The following ST7 variants were observed in gnomAD, a reference collection of about 807,000 sequenced individuals.
The protein encoded by ST7 is suppressor of tumorigenicity 7 protein.
Under a neutral mutation model 78.7 loss-of-function variants are expected in ST7, and 28 were observed. The observed-to-expected ratio is 0.36, with a 90% CI of 0.26 to 0.49. ST7 has a LOEUF of 0.49. ST7 is among the 20% of genes least tolerant of loss of function. ST7 has a pLI of 0.99. For synonymous variants in ST7, 247 were observed against 249.6 expected, an observed-to-expected ratio of 0.99 and a Z score of 0.10; for missense variants, 418 against 696.0, an observed-to-expected ratio of 0.60 and a Z score of 4.49.
intron 1 of ST7, among the ~76,000 whole-genome samples, chr7:116,961,926 C>T (rs1176256286): frequency 1.3e-5 from 2 of 151,674 alleles, no homozygotes; most frequent in Non-Finnish European, 2.9e-5. Flanking sequence ...TAATGTTCTC[C>T]CTCCCCTCAC....
intron 2 of ST7, among the ~76,000 whole-genome samples, chr7:117,105,541 C>T (rs1801889024): frequency 6.6e-6 from 1 of 152,154 alleles, no homozygotes; most frequent in South Asian, 2.1e-4. Context: ...TTTGGCCTCC[C>T]AAAGTGCTGG....
rs1193074942 is a variant in ST7 at position 116,965,319 on chromosome 7, G to A, written c.151+11628G>A. Among the ~76,000 whole-genome samples, 3 of 139,618 alleles carry A rather than the reference G, an allele frequency of 2.1e-5. No individual in the cohort carries two copies. The South Asian group carries it at 6.7e-4, about 31-fold the overall frequency. 91.6% of individuals were successfully genotyped at this position (139,618 alleles called of 152,430 possible). ...TGCACCACTGCACTCCAGCCTGGGC[G>A]ACTGAGTGAGACTCCGTCTCAAAAA... On this transcript the variant is annotated intron_variant, in intron 1 of 15. Transcript: ENST00000323984.
At chr7:117,159,425 T>C (rs1678117492) in intron 9 of ST7, among the ~76,000 whole-genome samples, 1 of 152,212 alleles carries the variant, frequency 6.6e-6, no homozygotes, top group South Asian at 2.1e-4. Flanking sequence ...AGCTGTAATA[T>C]TTGGGCAAAA....
At chr7:117,188,590 C>G (rs1405032601) in intron 10 of ST7, among the ~76,000 whole-genome samples, 1 of 152,140 alleles carries the variant, frequency 6.6e-6, no homozygotes, top group African/African-American at 2.4e-5. Flanking sequence ...CCACACCCAC[C>G]CTGGCCCTTC....
chr7:117,073,238 A>G (rs563511253), intron 1 of ST7: 1 of 152,350 alleles, frequency 6.6e-6, no homozygotes, highest in Admixed American at 6.5e-5. Context: ...CCTCTACACA[A>G]TCTAGTACTG....
intron 1 of ST7, among the ~76,000 whole-genome samples, chr7:116,984,560 G>A (rs1272468126): frequency 6.6e-6 from 1 of 152,250 alleles, no homozygotes. Context: ...GGCAGGGGGT[G>A]GGGTAGATGA....
At chr7:117,125,463 G>A (rs1803758306) in intron 3 of ST7, among the ~76,000 whole-genome samples, 1 of 152,066 alleles carries the variant, frequency 6.6e-6, no homozygotes, top group African/African-American at 2.4e-5. Context: ...TTGTTGAATT[G>A]AAAGCTACCT....
intron 12 of ST7, chr7:117,198,475 G>C (rs184154748): frequency 3.0e-6 from 1 of 329,412 alleles, no homozygotes; most frequent in African/African-American, 2.2e-5. Flanking sequence ...CAGATTTGAG[G>C]GGAGGCTCTA....
intron 9 of ST7, among the ~76,000 whole-genome samples, chr7:117,145,174 C>T (rs951396499): frequency 9.2e-5 from 14 of 151,492 alleles, no homozygotes; most frequent in Admixed American, 3.3e-4. Context: ...TACTGCATTC[C>T]AGCCTGGGCA....
At chr7:116,972,435 C>G in intron 1 of ST7, 1 of 735,976 alleles carries the variant, frequency 1.4e-6, no homozygotes. Flanking sequence ...GTCTGATCTG[C>G]TCATCCATCT....
intron 1 of ST7, chr7:116,955,134 G>C (rs1364178044): frequency 4.2e-6 from 2 of 470,764 alleles, no homozygotes; most frequent in East Asian, 1.4e-4. Flanking sequence ...TCGCAATATT[G>C]TCTTCTTCGC....
chr7:117,120,685 A>ACTAT (rs1395665549), intron 3 of ST7, among the ~76,000 whole-genome samples: 1 of 152,180 alleles, frequency 6.6e-6, no homozygotes, highest in Non-Finnish European at 1.5e-5. Flanking sequence ...TAGTCTGTAC[A>ACTAT]CTATCTCTCT....
In ST7 at chr7:117,191,654, G is replaced by A. The variant is rs867538127; in HGVS notation, c.1254+718G>A. ...TTTTAGTATCTACATGCTGTATTAC[G>A]TAATTATCATCTTCTCTGAGGGAGG... On this transcript the variant is annotated intron_variant, in intron 12 of 15. Coordinates refer to ENST00000323984, the MANE Select transcript of ST7 (RefSeq NM_001369598.1). 7.9e-5 allele frequency: 12 copies of A among 151,974 alleles called. No homozygotes were observed. The East Asian group carries it at 9.6e-4, about 12-fold the overall frequency. 9.4% of individuals were successfully genotyped at this position (151,974 alleles called of 1,614,324 possible).
chr7:117,146,929 T>G (rs975822836), intron 9 of ST7, among the ~76,000 whole-genome samples: 8 of 152,190 alleles, frequency 5.3e-5, no homozygotes, highest in African/African-American at 1.9e-4. Flanking sequence ...TGTTGGGACA[T>G]TTTGGGGGAT....
chr7:117,088,597 G>A (rs943647166), intron 1 of ST7, among the ~76,000 whole-genome samples: 10 of 152,096 alleles, frequency 6.6e-5, no homozygotes, highest in East Asian at 1.9e-4. Flanking sequence ...ACGAATTGCC[G>A]TATTCAGCTT....
At chr7:116,954,066 GT>G (rs1562973350) in intron 1 of ST7, 2 of 151,892 alleles carry the variant, frequency 1.3e-5, no homozygotes, top group East Asian at 3.9e-4. Context: ...AACTCCGAGG[GT>G]TCCCCGGAGT....
At chr7:117,158,817 C>T (rs1806905867) in intron 9 of ST7, among the ~76,000 whole-genome samples, 1 of 152,170 alleles carries the variant, frequency 6.6e-6, no homozygotes, top group Admixed American at 6.6e-5. Context: ...ATGCATTATA[C>T]AGTGTCTTTT....
At chr7:117,212,549 T>C (rs1792378246) in intron 13 of ST7, among the ~76,000 whole-genome samples, 1 of 152,230 alleles carries the variant, frequency 6.6e-6, no homozygotes, top group Admixed American at 6.5e-5. Flanking sequence ...TTATATTTTG[T>C]TGTTTAATAT....
In ST7 at chr7:117,027,452, T is replaced by TAAAGTAAAGTAAAAGTAAAAGTAAAAGTA. The variant is rs1241837115; in HGVS notation, c.152-72291_152-72290insAGTAAAAGTAAAAGTAAAGTAAAAGTAAA. 8.7e-4 allele frequency among the ~76,000 whole-genome samples: 106 copies of TAAAGTAAAGTAAAAGTAAAAGTAAAAGTA among 121,912 alleles called. 3 individuals are homozygous for TAAAGTAAAGTAAAAGTAAAAGTAAAAGTA. Among genetic ancestry groups the TAAAGTAAAGTAAAAGTAAAAGTAAAAGTA allele is most frequent in the African/African-American group, 3.9e-3 (103 of 26,290 alleles). The allele number at this position is 121,912 out of a possible 152,430, so 80.0% of individuals were successfully genotyped here. ...GAGACTCCGTCTCAAAAGTGAAAAG[T>TAAAGTAAAGTAAAAGTAAAAGTAAAAGTA]AAAGTAAAGTAAAAGTAAAGTAAAG... On this transcript the variant is annotated intron_variant, in intron 1 of 15. Coordinates refer to ENST00000323984, the MANE Select transcript of ST7 (RefSeq NM_001369598.1).
Sources: allele counts gnomAD v4.1 joint callset (sites outside exome capture counted in the v4.1 genomes callset), GRCh38; gene constraint gnomAD v4.1.1; transcripts MANE v1.5; gene names NCBI Gene and HGNC (gene_info 2026-07-23, HGNC 2026-07-21).